The following EYS variants were observed in gnomAD, a reference collection of about 807,000 sequenced individuals.
EYS encodes the protein EGF-like photoreceptor maintenance factor.
A neutral mutation model predicts 282.1 loss-of-function variants in EYS; 250 were observed. That is an observed-to-expected ratio of 0.89 (90% CI 0.80 to 0.98). EYS has a LOEUF of 0.98. EYS is among the 50% of genes least tolerant of loss of function. The pLI is 0.00. For missense variants in EYS, 4,016 were observed against 3,709.0 expected, an observed-to-expected ratio of 1.08 and a Z score of -2.15; for synonymous variants, 1,355 against 1,282.9, an observed-to-expected ratio of 1.06 and a Z score of -1.20.
chr6:65,274,075 A>T (rs867373965), intron 12 of EYS, among the ~76,000 whole-genome samples: 33 of 152,276 alleles, frequency 2.2e-4, no homozygotes, highest in Admixed American at 6.5e-4. Flanking sequence ...GGGCCCAGTG[A>T]GTCCCCAGAC....
At chr6:63,835,731 A>T (rs1357145087) in intron 36 of EYS, among the ~76,000 whole-genome samples, 1 of 152,126 alleles carries the variant, frequency 6.6e-6, no homozygotes, top group Admixed American at 6.6e-5. Context: ...TGGACAAATA[A>T]TAATAAATTA....
intron 19 of EYS, among the ~76,000 whole-genome samples, chr6:64,878,233 A>G (rs1766811180): frequency 6.6e-6 from 1 of 152,164 alleles, no homozygotes; most frequent in Non-Finnish European, 1.5e-5. Flanking sequence ...CGGAAAAAAG[A>G]AAATATGATA....
At chr6:63,883,539 C>A (rs1773187291) in intron 35 of EYS, among the ~76,000 whole-genome samples, 1 of 152,220 alleles carries the variant, frequency 6.6e-6, no homozygotes, top group East Asian at 1.9e-4. Flanking sequence ...TGCAGATAAT[C>A]TGTAGGCTAC....
At chr6:64,245,819 T>C (rs1220115660) in intron 30 of EYS, among the ~76,000 whole-genome samples, 1 of 151,992 alleles carries the variant, frequency 6.6e-6, no homozygotes, top group Non-Finnish European at 1.5e-5. Flanking sequence ...GGAAACATTA[T>C]AAAATAAAAT....
rs1057160503 is a variant in EYS, at chr6:64,508,438, C to T, written c.5645-69086G>A. On this transcript the variant is annotated intron_variant, in intron 26 of 42. Transcript: ENST00000503581. ...TTGTATTCTGGGTCTGTTTCTCCAA[C>T]CTTAAAATGAATTGTTTAAGAACGA... 4.0e-5 allele frequency among the ~76,000 whole-genome samples: 6 copies of T among 151,846 alleles called. No individual in the cohort carries two copies. In the South Asian group the frequency reaches 6.2e-4, roughly 16 times the overall value.
intron 35 of EYS, 37 bp downstream of exon 35, chr6:63,984,346 T>G (rs1166858648): frequency 7.2e-6 from 10 of 1,383,826 alleles, no homozygotes; most frequent in Non-Finnish European, 1.0e-5. Flanking sequence ...TTTGGAGTCA[T>G]GTAACGTAGG....
chr6:63,898,040 G>T (rs1773575243), intron 35 of EYS, among the ~76,000 whole-genome samples: 1 of 152,270 alleles, frequency 6.6e-6, no homozygotes, highest in East Asian at 1.9e-4. Context: ...TTGAGTTTAG[G>T]AGACTTTTCT....
At chr6:64,241,429 T>A (rs1766824482) in intron 30 of EYS, among the ~76,000 whole-genome samples, 1 of 152,206 alleles carries the variant, frequency 6.6e-6, no homozygotes, top group Non-Finnish European at 1.5e-5. Flanking sequence ...AATATTCGAC[T>A]ATTCAGGGAT....
At chr6:63,830,792 A>C (rs990108971) in intron 36 of EYS, among the ~76,000 whole-genome samples, 1 of 152,260 alleles carries the variant, frequency 6.6e-6, no homozygotes, top group Non-Finnish European at 1.5e-5. Context: ...AAATGAAGGG[A>C]AAAATGTTAA....
intron 11 of EYS, among the ~76,000 whole-genome samples, chr6:65,322,857 T>G (rs1284622095): frequency 6.7e-6 from 1 of 149,716 alleles, no homozygotes; most frequent in African/African-American, 2.5e-5. Flanking sequence ...TCAGGCTCAC[T>G]GGTTCCAATG....
intron 35 of EYS, among the ~76,000 whole-genome samples, chr6:63,897,551 GA>G (rs1773565336): frequency 6.6e-6 from 1 of 152,112 alleles, no homozygotes; most frequent in Admixed American, 6.6e-5. Flanking sequence ...GATTCTCACC[GA>G]CAGCCTCTGG....
rs544773308 is a variant in EYS at position 65,490,726 on chromosome 6, G to A, written c.749-19C>T. The A allele has an allele frequency of 2.2e-5, 32 of 1,475,794 alleles. No homozygotes were observed. In the South Asian group the frequency reaches 3.4e-4, roughly 16 times the overall value. The allele number at this position is 1,475,794 out of a possible 1,614,324, so 91.4% of individuals were successfully genotyped here. A position where few individuals can be genotyped will look rare whatever the true frequency, so the allele number is the denominator to read the frequency against. ...TTCTTTCCTATAACAATGAAAAAAA[G>A]TTTTTTTTACATTGGATATCAATAT... On this transcript the variant is annotated intron_variant, in intron 4 of 42. Coordinates refer to ENST00000503581, the MANE Select transcript of EYS (RefSeq NM_001142800.2).
In EYS at chr6:65,490,625, A is replaced by T. The variant is rs759315564; in HGVS notation, c.831T>A (p.Ser277Arg). Reference sequence around the variant, plus strand: ...ATTGCTCATCACATTCACAAATGAAACTATTTGAAGTAATATTGCTGCAGT... The same window carrying T: ...ATTGCTCATCACATTCACAAATGAATCTATTTGAAGTAATATTGCTGCAGT... ...HGNCSNITSN[S>R]FICECDEQFS... Residue 277 changes from serine to arginine, a missense_variant, in exon 5 of 43, where the codon AGT becomes AGA. Transcript: ENST00000503581. 86 of 1,611,502 alleles carry T rather than the reference A, an allele frequency of 5.3e-5. No individual in the cohort carries two copies. The Middle Eastern group carries it at 2.3e-3, about 43-fold the overall frequency.
At chr6:64,693,241 A>T (rs1039870538) in intron 22 of EYS, among the ~76,000 whole-genome samples, 1 of 151,842 alleles carries the variant, frequency 6.6e-6, no homozygotes, top group Admixed American at 6.6e-5. Flanking sequence ...AATTCTTCCC[A>T]ATTGATTCAG....
At chr6:65,500,096 G>A (rs1320631610) in intron 2 of EYS, among the ~76,000 whole-genome samples, 1 of 152,010 alleles carries the variant, frequency 6.6e-6, no homozygotes, top group Non-Finnish European at 1.5e-5. Flanking sequence ...ATAAGCAGTG[G>A]TGCATGTATT....
At chr6:64,406,714 C>G (rs115267412) in intron 28 of EYS, among the ~76,000 whole-genome samples, 2,271 of 152,302 alleles carry the variant, frequency 0.015, 16 homozygotes, top group East Asian at 0.032. Context: ...AAATGCTCAT[C>G]ACTGGTTATT....
At chr6:63,836,183 C>T (rs1771800895) in intron 36 of EYS, among the ~76,000 whole-genome samples, 2 of 151,998 alleles carry the variant, frequency 1.3e-5, no homozygotes, top group Admixed American at 6.6e-5. Flanking sequence ...TAGACTCCTA[C>T]CAGCAATGTA....
intron 31 of EYS, among the ~76,000 whole-genome samples, chr6:64,114,191 T>C (rs922502014): frequency 3.9e-5 from 6 of 152,178 alleles, no homozygotes; most frequent in Admixed American, 1.3e-4. Context: ...AGGTGCAAAA[T>C]TCTGGAATTT....
chr6:64,302,546 G>C (rs1014196259), intron 30 of EYS, among the ~76,000 whole-genome samples: 10 of 152,090 alleles, frequency 6.6e-5, no homozygotes, highest in Admixed American at 5.2e-4. Context: ...AATTGAAACT[G>C]ATAATGGTCC....
Sources: allele counts gnomAD v4.1 joint callset (sites outside exome capture counted in the v4.1 genomes callset), GRCh38; gene constraint gnomAD v4.1.1; transcripts MANE v1.5; gene names NCBI Gene and HGNC (gene_info 2026-07-23, HGNC 2026-07-21).